The following ERMAP variants were observed in gnomAD, a reference collection of about 807,000 sequenced individuals.
ERMAP encodes erythroblast membrane associated protein (Scianna blood group).
ERMAP carries 34 observed loss-of-function variants against 49.5 expected under a neutral mutation model. The ratio of observed to expected loss-of-function variants is 0.69; its 90% confidence interval spans 0.52 to 0.91. The LOEUF (loss-of-function observed/expected upper bound fraction) is 0.91. ERMAP is among the 40% of genes least tolerant of loss of function. The pLI, the probability that ERMAP is intolerant of heterozygous loss-of-function variation, is 0.00. For missense variants in ERMAP, 541 were observed against 582.6 expected, an observed-to-expected ratio of 0.93 and a Z score of 0.74; for synonymous variants, 214 against 232.2, an observed-to-expected ratio of 0.92 and a Z score of 0.71.
intron 4 of ERMAP, among the ~76,000 whole-genome samples, chr1:42,834,361 G>A (rs760282162): frequency 2.6e-4 from 40 of 152,182 alleles, no homozygotes; most frequent in Non-Finnish European, 5.4e-4. Flanking sequence ...GGGTAAACAG[G>A]CAGGTGCTCC....
chr1:42,833,916 C>T (rs1654820598), intron 4 of ERMAP, among the ~76,000 whole-genome samples: 1 of 152,100 alleles, frequency 6.6e-6, no homozygotes, highest in Non-Finnish European at 1.5e-5. Context: ...ATGGCAAAAC[C>T]TTGTCTCTAC....
intron 4 of ERMAP, among the ~76,000 whole-genome samples, chr1:42,832,527 C>T (rs111326059): frequency 1.2e-4 from 18 of 152,132 alleles, no homozygotes; most frequent in African/African-American, 3.1e-4. Context: ...CCACCACGCC[C>T]GGCTAATTTT....
At chr1:42,835,525 C>T (rs1440749719) in intron 5 of ERMAP, among the ~76,000 whole-genome samples, 1 of 152,204 alleles carries the variant, frequency 6.6e-6, no homozygotes, top group East Asian at 1.9e-4. Flanking sequence ...CTCAGGGCTG[C>T]AAGGGACTTT....
At chr1:42,836,922 A>C in intron 6 of ERMAP, 1 of 385,810 alleles carries the variant, frequency 2.6e-6, no homozygotes. Flanking sequence ...AAAAAAAACT[A>C]AACAATTCTC....
At chr1:42,832,285 G>T (rs1439115870) in intron 4 of ERMAP, among the ~76,000 whole-genome samples, 1 of 147,490 alleles carries the variant, frequency 6.8e-6, no homozygotes, top group Non-Finnish European at 1.5e-5. Flanking sequence ...TCGCCTCCTG[G>T]GTTCAGGTGA....
At chr1:42,826,584 G>A (rs948168878) in intron 2 of ERMAP, among the ~76,000 whole-genome samples, 6 of 152,104 alleles carry the variant, frequency 3.9e-5, no homozygotes, top group African/African-American at 7.2e-5. Flanking sequence ...ATGGCTGGGC[G>A]CAGTGGCTCA....
At chr1:42,818,613 A>T (rs551349645) in intron 1 of ERMAP, among the ~76,000 whole-genome samples, 22 of 152,278 alleles carry the variant, frequency 1.4e-4, no homozygotes, top group Non-Finnish European at 2.5e-4. Flanking sequence ...GACTACAGGC[A>T]CACACCATCA....
chr1:42,833,137 T>C (rs35160746), intron 4 of ERMAP, among the ~76,000 whole-genome samples: 3,812 of 152,288 alleles, frequency 0.025, 180 homozygotes, highest in African/African-American at 0.087. Flanking sequence ...TCATAACAAG[T>C]AAAAGCTGGG....
rs753913358 is a variant in ERMAP at position 42,825,662 on chromosome 1, A to T, written c.-82A>T. On this transcript the variant is annotated 5_prime_UTR_variant, in exon 2 of 12. The change abolishes an upstream ATG in the 5' untranslated region. Transcript: ENST00000372517. Reference sequence around the variant, plus strand: ...CTTGCCTGCTCCCTGGTCTCTCTGCATGGGGAAGGAGTGTTCCCAGCTTGC... The same window carrying T: ...CTTGCCTGCTCCCTGGTCTCTCTGCTTGGGGAAGGAGTGTTCCCAGCTTGC... 205 of 1,289,378 alleles carry T rather than the reference A, an allele frequency of 1.6e-4. 1 individual carries two copies. In the African/African-American group the frequency reaches 2.7e-3, roughly 17 times the overall value. The allele number at this position is 1,289,378 out of a possible 1,614,324, so 79.9% of individuals were successfully genotyped here. A position where few individuals can be genotyped will look rare whatever the true frequency, so the allele number is the denominator to read the frequency against.
chr1:42,825,431 G>GGTCA, intron 1 of ERMAP, 192 bp from the exon 2 acceptor site: 1 of 1,098,532 alleles, frequency 9.1e-7, no homozygotes, highest in Non-Finnish European at 1.1e-6. Context: ...CCTCCTACCC[G>GGTCA]GTCAGTCATA....
At chr1:42,817,414 C>G (rs928013751) in intron 1 of ERMAP, 161 bp downstream of exon 1, 10 of 326,518 alleles carry the variant, frequency 3.1e-5, no homozygotes, top group Non-Finnish European at 4.7e-5. Context: ...TGGCTGGAAA[C>G]CCGCGTAGAG....
At chr1:42,830,396 C>G in intron 2 of ERMAP, 48 bp from the exon 3 acceptor site, 1 of 1,556,992 alleles carries the variant, frequency 6.4e-7, no homozygotes, top group Non-Finnish European at 8.9e-7. Context: ...CCCTCTGTCA[C>G]GCCAAGCCCA....
intron 8 of ERMAP, 77 bp downstream of exon 8, chr1:42,838,998 C>T (rs1022849693): frequency 3.7e-6 from 6 of 1,611,876 alleles, no homozygotes; most frequent in Non-Finnish European, 5.1e-6. Flanking sequence ...CTCAGTTTCA[C>T]TTCCTGGGGC....
rs142166292 is a variant in ERMAP, at chr1:42,830,512, C to T, written c.64C>T (p.Arg22Trp). 234 of 1,614,070 alleles carry T rather than the reference C, an allele frequency of 1.4e-4. No individual in the cohort carries two copies. The highest frequency in any genetic ancestry group is 5.1e-4 in the South Asian group (46 of 91,072). Residue 22 changes from arginine to tryptophan, a missense_variant, in exon 3 of 12, where the codon CGG becomes TGG. Transcript: ENST00000372517. ...SGCLIPLVFL[R>W]LSVHVSGHAG... ...CTGCCTCATCCCTCTCGTCTTCCTC[C>T]GGCTGTCTGTGCATGTGTCAGGTAG...
chr1:42,833,270 GA>G (rs1016124973), intron 4 of ERMAP, among the ~76,000 whole-genome samples: 2 of 152,028 alleles, frequency 1.3e-5, no homozygotes, highest in African/African-American at 4.8e-5. Context: ...TAGAAAATTT[GA>G]AAAAAATCCA....
chr1:42,836,396 G>A (rs1450270295), intron 6 of ERMAP, among the ~76,000 whole-genome samples: 1 of 152,140 alleles, frequency 6.6e-6, no homozygotes, highest in Non-Finnish European at 1.5e-5. Context: ...AGCACTCACT[G>A]GGGAGTTGAG....
intron 4 of ERMAP, among the ~76,000 whole-genome samples, chr1:42,832,075 AT>A (rs1187672809): frequency 2.0e-5 from 3 of 152,014 alleles, no homozygotes; most frequent in Admixed American, 1.3e-4. Flanking sequence ...TTTGGTCATA[AT>A]TTGAAGTCAC....
intron 7 of ERMAP, 108 bp downstream of exon 7, chr1:42,837,298 C>A: frequency 8.6e-7 from 1 of 1,166,052 alleles, no homozygotes; most frequent in South Asian, 1.4e-5. Context: ...ATACTGTACA[C>A]ACATGCACAC....
chr1:42,825,298 A>G (rs1654510917), intron 1 of ERMAP, among the ~76,000 whole-genome samples: 1 of 152,168 alleles, frequency 6.6e-6, no homozygotes, highest in Non-Finnish European at 1.5e-5. Context: ...CAATCTTCCA[A>G]TTTACTCTGA....
Sources: allele counts gnomAD v4.1 joint callset (sites outside exome capture counted in the v4.1 genomes callset), GRCh38; gene constraint gnomAD v4.1.1; transcripts MANE v1.5; gene names NCBI Gene and HGNC (gene_info 2026-07-23, HGNC 2026-07-21).